The following ATAD2B variants were observed in gnomAD, a reference collection of about 807,000 sequenced individuals.
The protein encoded by ATAD2B is ATPase family AAA domain-containing protein 2B.
ATAD2B carries 40 observed loss-of-function variants against 167.6 expected under a neutral mutation model. That is an observed-to-expected ratio of 0.24 (90% CI 0.19 to 0.31). The LOEUF is 0.31. Among genes scored for constraint, ATAD2B ranks in the 10% least tolerant of loss-of-function variants. The probability of loss-of-function intolerance (pLI) is 1.00; values close to 1 mark genes in which losing one functional copy is unlikely to be tolerated. For missense variants in ATAD2B, 1,242 were observed against 1,757.2 expected (o/e 0.71, Z 5.24); for synonymous variants, 579 against 596.5 (o/e 0.97, Z 0.43).
At chr2:23,684,439 G>C in the ATAD2B span, 3 of 1,550,546 alleles carry the variant, frequency 1.9e-6, no homozygotes, top group Non-Finnish European at 2.6e-6. The surrounding 1 kb of genome is among the most constrained non-coding windows in gnomAD (Gnocchi z 4.4). Flanking sequence ...GAGCGAAAGC[G>C]TTTACAGACC....
chr2:23,698,198 C>T, the ATAD2B span, among the ~76,000 whole-genome samples: 1 of 152,180 alleles, frequency 6.6e-6, no homozygotes, highest in East Asian at 1.9e-4. Context: ...GTGAGCGAGA[C>T]CACCCCGGGA....
chr2:23,703,256 A>G, the ATAD2B span: 3 of 1,546,044 alleles, frequency 1.9e-6, no homozygotes, highest in Non-Finnish European at 2.6e-6. Flanking sequence ...TGCTGCAGCC[A>G]CAGTGTGTGG....
chr2:23,865,225 T>A (rs2150053580), intron 10 of ATAD2B, among the ~76,000 whole-genome samples: 1 of 152,120 alleles, frequency 6.6e-6, no homozygotes, highest in East Asian at 1.9e-4. Context: ...ATATAATTTT[T>A]ATATTATACC....
rs577384366 is a variant in ATAD2B, at chr2:23,765,583, T to C, written c.3179A>G (p.His1060Arg). The C allele has an allele frequency of 6.4e-7, 1 of 1,565,978 alleles. No homozygotes were observed. Among genetic ancestry groups the C allele is most frequent in the South Asian group, 1.2e-5 (1 of 85,548 alleles). Residue 1060 changes from histidine to arginine, a missense_variant, in exon 23 of 28, where the codon CAT becomes CGT. Coordinates refer to ENST00000238789, the MANE Select transcript of ATAD2B (RefSeq NM_017552.4). ...HRACTLKDTA[H>R]AIIAAELDPE... Reference sequence around the variant, plus strand: ...ATCTAATTCAGCTGCAATGATAGCATGTGCAGTGTCCTTCAGGGTACAAGC... The same window carrying C: ...ATCTAATTCAGCTGCAATGATAGCACGTGCAGTGTCCTTCAGGGTACAAGC...
chr2:23,875,680 T>A, intron 8 of ATAD2B, 149 bp downstream of exon 8: 1 of 657,542 alleles, frequency 1.5e-6, no homozygotes, highest in Non-Finnish European at 2.7e-6. Context: ...ATGTAACTGT[T>A]AAAACAACAA....
At chr2:23,887,472 G>A (rs1698858720) in intron 4 of ATAD2B, among the ~76,000 whole-genome samples, 1 of 152,092 alleles carries the variant, frequency 6.6e-6, no homozygotes, top group South Asian at 2.1e-4. Flanking sequence ...CAAATTTGAT[G>A]TTATCACTGT....
rs200430544 is a variant in ATAD2B at position 23,819,713 on chromosome 2, C to T, written c.2267+34G>A. 1.8e-4 allele frequency: 274 copies of T among 1,513,326 alleles called. No individual in the cohort carries two copies. In the African/African-American group the frequency reaches 3.4e-3, roughly 19 times the overall value. 93.7% of individuals were successfully genotyped at this position (1,513,326 alleles called of 1,614,324 possible). ...TAATCATAAAGTATCAAAAATCACT[C>T]TAAATACAAAGAAAGTTGATATAAA... On this transcript the variant is annotated intron_variant, in intron 17 of 27. Coordinates refer to ENST00000238789, the MANE Select transcript of ATAD2B (RefSeq NM_017552.4).
At chr2:23,768,982 C>A (rs960373254) in intron 22 of ATAD2B, among the ~76,000 whole-genome samples, 3 of 152,114 alleles carry the variant, frequency 2.0e-5, no homozygotes, top group African/African-American at 7.2e-5. Context: ...GATGAACAAA[C>A]CTTTGTATGG....
rs2551323 is a variant in ATAD2B at position 23,752,118 on chromosome 2, A to C, written c.4336-31T>G. 0.041 allele frequency: 60,338 copies of C among 1,470,220 alleles called. 1,379 individuals carry two copies. Among genetic ancestry groups the C allele is most frequent in the Middle Eastern group, 0.053 (287 of 5,410 alleles). The allele number at this position is 1,470,220 out of a possible 1,614,324, so 91.1% of individuals were successfully genotyped here. On this transcript the variant is annotated intron_variant, in intron 27 of 27. Transcript: ENST00000238789. Reference sequence around the variant, plus strand: ...AAAGGAAAAAAAATGCATGTTATCTATTAAGGGAAAGACAAAAGTGTTCCT... The same window carrying C: ...AAAGGAAAAAAAATGCATGTTATCTCTTAAGGGAAAGACAAAAGTGTTCCT...
At chr2:23,870,026 G>C (rs1695689165) in intron 8 of ATAD2B, among the ~76,000 whole-genome samples, 3 of 151,924 alleles carry the variant, frequency 2.0e-5, no homozygotes, top group Admixed American at 2.0e-4. Flanking sequence ...TGGCCAACAT[G>C]GTGAAACTCC....
chr2:23,856,607 T>A (rs1350343779), intron 13 of ATAD2B, among the ~76,000 whole-genome samples: 2 of 152,068 alleles, frequency 1.3e-5, no homozygotes, highest in African/African-American at 4.8e-5. Context: ...ACATCTATAA[T>A]CCCAGCACTT....
chr2:23,805,637 A>G (rs879590381), intron 18 of ATAD2B, among the ~76,000 whole-genome samples: 8 of 152,298 alleles, frequency 5.3e-5, no homozygotes, highest in Non-Finnish European at 1.0e-4. Flanking sequence ...GTCAAAAGGT[A>G]TATGTATTTG....
At chr2:23,874,346 T>C (rs1696479083) in intron 8 of ATAD2B, among the ~76,000 whole-genome samples, 2 of 152,148 alleles carry the variant, frequency 1.3e-5, no homozygotes, top group Admixed American at 6.5e-5. Context: ...TCATGACCTC[T>C]GAGTTGGCAA....
At chr2:23,905,488 C>A (rs369797605) in intron 1 of ATAD2B, among the ~76,000 whole-genome samples, 1 of 152,122 alleles carries the variant, frequency 6.6e-6, no homozygotes, top group East Asian at 1.9e-4. Flanking sequence ...TACACCACTG[C>A]ACTCCAGCTT....
chr2:23,894,436 G>C (rs915503118), intron 2 of ATAD2B, among the ~76,000 whole-genome samples: 2 of 151,258 alleles, frequency 1.3e-5, no homozygotes, highest in African/African-American at 4.9e-5. Flanking sequence ...AGCAAAGATA[G>C]CGCCATTGCA....
intron 1 of ATAD2B, among the ~76,000 whole-genome samples, chr2:23,897,776 T>C (rs962523382): frequency 2.0e-5 from 3 of 152,192 alleles, no homozygotes; most frequent in Non-Finnish European, 4.4e-5. Context: ...ATTTTATACT[T>C]TCCCTCTCTG....
intron 2 of ATAD2B, among the ~76,000 whole-genome samples, chr2:23,889,410 T>C (rs867478789): frequency 7.9e-5 from 12 of 151,914 alleles, no homozygotes; most frequent in Non-Finnish European, 1.6e-4. Context: ...TCAGGTGATC[T>C]GCCCACCTCG....
At chr2:23,743,252 C>T in the ATAD2B span, among the ~76,000 whole-genome samples, 1 of 151,832 alleles carries the variant, frequency 6.6e-6, no homozygotes, top group Non-Finnish European at 1.5e-5. Flanking sequence ...TGCTATAATA[C>T]CTTACATGTT....
rs779322796 is a variant in ATAD2B, at chr2:23,762,346, C to G, written c.3257G>C (p.Gly1086Ala). The G allele has an allele frequency of 2.8e-5, 45 of 1,610,784 alleles. No homozygotes were observed. The highest frequency in any genetic ancestry group is 3.7e-5 in the Non-Finnish European group (44 of 1,178,706). ...EEIKEARIKRGLSVTSEQINP... is the reference protein window; with the variant it reads ...EEIKEARIKRALSVTSEQINP... ...TATTTGTTCTGATGTTACTGATAAG[C>G]CTGCAAGCAGAAGATAAGCAATACC... Residue 1086 changes from glycine to alanine, a missense_variant and splice_region_variant, in exon 24 of 28, where the codon GGC (glycine) becomes GCC (alanine). By Grantham distance (60) the Gly-to-Ala change is moderately conservative. Transcript: ENST00000238789.
Sources: allele counts gnomAD v4.1 joint callset (sites outside exome capture counted in the v4.1 genomes callset), GRCh38; gene constraint gnomAD v4.1.1; non-coding constraint Gnocchi (gnomAD v3.1); transcripts MANE v1.5; gene names NCBI Gene and HGNC (gene_info 2026-07-23, HGNC 2026-07-21).